Variants in TNRC6B observed in about 807,000 individuals in gnomAD.
The protein encoded by TNRC6B is trinucleotide repeat-containing gene 6B protein.
TNRC6B carries 52 observed loss-of-function variants against 203.6 expected under a neutral mutation model. The ratio of observed to expected loss-of-function variants is 0.26; its 90% confidence interval spans 0.20 to 0.32. The LOEUF is 0.32. Among genes scored for constraint, TNRC6B ranks in the 10% least tolerant of loss-of-function variants. The probability of loss-of-function intolerance (pLI) is 1.00; values close to 1 mark genes in which losing one functional copy is unlikely to be tolerated. For missense variants in TNRC6B, 1,923 were observed against 2,286.2 expected (o/e 0.84, Z 3.24); for synonymous variants, 838 against 845.7 (o/e 0.99, Z 0.16).
At chr22:40,247,937 TG>T (rs1462773743) in intron 2 of TNRC6B, among the ~76,000 whole-genome samples, 13 of 152,216 alleles carry the variant, frequency 8.5e-5, no homozygotes, top group African/African-American at 2.9e-4. Context: ...TAGCCGAGTG[TG>T]GTGGTGCACA....
chr22:40,207,983 G>A (rs968469945), intron 1 of TNRC6B, among the ~76,000 whole-genome samples: 5 of 151,684 alleles, frequency 3.3e-5, no homozygotes, highest in South Asian at 2.1e-4. Context: ...GCATGGTGGC[G>A]GGCGCCTGTA....
chr22:40,316,569 G>C (rs896101810), intron 21 of TNRC6B, among the ~76,000 whole-genome samples: 8 of 152,154 alleles, frequency 5.3e-5, no homozygotes, highest in Non-Finnish European at 8.8e-5. Context: ...AGGATCACTT[G>C]AGCCCAGAAT....
At chr22:40,114,731 G>A (rs1342409241) in intron 1 of TNRC6B, among the ~76,000 whole-genome samples, 1 of 152,092 alleles carries the variant, frequency 6.6e-6, no homozygotes, top group Non-Finnish European at 1.5e-5. Context: ...TCCAAGACTA[G>A]TTTGGCTGCT....
intron 21 of TNRC6B, among the ~76,000 whole-genome samples, chr22:40,316,680 A>T (rs1454785312): frequency 1.3e-5 from 2 of 152,128 alleles, no homozygotes; most frequent in Non-Finnish European, 2.9e-5. Context: ...ATGAAAGTTC[A>T]TCTCCTGATC....
chr22:40,332,957 AAG>A lies in TNRC6B; in HGVS notation c.*9719_*9720del, dbSNP rs2043997982. 1.3e-5 allele frequency: 2 copies of A among 152,628 alleles called. No homozygotes were observed. Among genetic ancestry groups the A allele is most frequent in the Admixed American group, 6.5e-5 (1 of 15,310 alleles). 9.5% of individuals were successfully genotyped at this position (152,628 alleles called of 1,614,324 possible). A position where few individuals can be genotyped will look rare whatever the true frequency, so the allele number is the denominator to read the frequency against. ...CTTTACTCTTTCATGTTTAAGAAGA[AAG>A]AGCAGAGGAGGTCGGGGGAGCCGGT... On this transcript the variant is annotated 3_prime_UTR_variant, in exon 23 of 23. Coordinates refer to ENST00000454349, the MANE Select transcript of TNRC6B (RefSeq NM_001162501.2).
intron 1 of TNRC6B, among the ~76,000 whole-genome samples, chr22:40,195,641 A>G (rs1442178018): frequency 3.9e-5 from 6 of 152,170 alleles, no homozygotes; most frequent in African/African-American, 7.2e-5. Flanking sequence ...TTCTGTAGAG[A>G]CGGGGCCTTG....
chr22:40,184,245 C>T (rs750061607), intron 1 of TNRC6B, among the ~76,000 whole-genome samples: 2 of 152,114 alleles, frequency 1.3e-5, no homozygotes, highest in South Asian at 4.1e-4. Flanking sequence ...TCTCCAGACA[C>T]GACTGCTGAA....
chr22:40,305,937 A>C (rs1223618619), intron 15 of TNRC6B, among the ~76,000 whole-genome samples: 1 of 151,366 alleles, frequency 6.6e-6, no homozygotes, highest in African/African-American at 2.4e-5. Flanking sequence ...CTTTTGCTAT[A>C]ACTTTAATTT....
rs1243526899 is a variant in TNRC6B, at chr22:40,333,783, C to T, written c.*10542C>T. 1 of 152,664 alleles carries T rather than the reference C, an allele frequency of 6.6e-6. No individual in the cohort carries two copies. The highest frequency in any genetic ancestry group is 1.5e-5 in the Non-Finnish European group (1 of 68,044). The allele number at this position is 152,664 out of a possible 1,614,324, so 9.5% of individuals were successfully genotyped here. A position where few individuals can be genotyped will look rare whatever the true frequency, so the allele number is the denominator to read the frequency against. On this transcript the variant is annotated 3_prime_UTR_variant, in exon 23 of 23. Coordinates refer to ENST00000454349, the MANE Select transcript of TNRC6B (RefSeq NM_001162501.2). ...AAGCGACATTAAGTAGAGGGAAATG[C>T]TTTTAACAAATGCTGCTCATGTGGA...
chr22:40,253,562 T>G (rs1275264210), intron 3 of TNRC6B: 2 of 455,762 alleles, frequency 4.4e-6, no homozygotes, highest in South Asian at 3.1e-5. Context: ...AAATACAGTT[T>G]CACAGTCTCC....
At chr22:40,125,639 A>G (rs2146324220) in intron 2 of TNRC6B, 1 of 591,540 alleles carries the variant, frequency 1.7e-6, no homozygotes, top group Non-Finnish European at 2.9e-6. Flanking sequence ...AGACACACAC[A>G]CACACACAAA....
intron 3 of TNRC6B, among the ~76,000 whole-genome samples, chr22:40,259,425 T>C (rs569008108): frequency 2.8e-4 from 42 of 152,348 alleles, no homozygotes; most frequent in African/African-American, 9.4e-4. Context: ...GGTTTCACAA[T>C]GTCGGCCAGG....
At chr22:40,206,902 C>G (rs766944443) in intron 1 of TNRC6B, among the ~76,000 whole-genome samples, 2 of 152,114 alleles carry the variant, frequency 1.3e-5, no homozygotes, top group Non-Finnish European at 2.9e-5. Context: ...TTAGGGCCGC[C>G]GTAACAAAAT....
intron 1 of TNRC6B, among the ~76,000 whole-genome samples, chr22:40,061,731 C>G (rs2067854683): frequency 6.6e-6 from 1 of 152,010 alleles, no homozygotes; most frequent in Non-Finnish European, 1.5e-5. Context: ...GCATCTTTTA[C>G]ATACCACAAT....
Position 40,102,202 on chromosome 22 carries a change from C to T in TNRC6B, c.-120-14853C>T, listed in dbSNP as rs995976960. 1.1e-4 allele frequency among the ~76,000 whole-genome samples: 16 copies of T among 152,140 alleles called. No homozygotes were observed. The South Asian group carries it at 3.3e-3, about 32-fold the overall frequency. The stretch of plus-strand genomic sequence containing the variant: ...CTGATTTACCTTTTTCTTATGCTTG[C>T]TGTTGGACAAAAACAAGGAGGGAGA... On this transcript the variant is annotated intron_variant, in intron 1 of 23. Coordinates refer to the TNRC6B transcript ENST00000301923.
chr22:40,275,115 T>C (rs2070620927), intron 7 of TNRC6B, among the ~76,000 whole-genome samples: 2 of 152,346 alleles, frequency 1.3e-5, no homozygotes, highest in East Asian at 1.9e-4. Context: ...CTCTTTCTTT[T>C]ATAGCATAAG....
intron 1 of TNRC6B, among the ~76,000 whole-genome samples, chr22:40,072,828 C>CATTCCAG (rs955040888): frequency 1.6e-5 from 2 of 121,824 alleles, no homozygotes; most frequent in Non-Finnish European, 3.2e-5. Flanking sequence ...TGTGCCATTG[C>CATTCCAG]ATTCCAGCCT....
At chr22:40,229,826 T>A (rs981241971) in intron 1 of TNRC6B, among the ~76,000 whole-genome samples, 5 of 152,216 alleles carry the variant, frequency 3.3e-5, no homozygotes, top group African/African-American at 1.2e-4. Context: ...AGCATTCTGT[T>A]GTATATTCCA....
intron 1 of TNRC6B, among the ~76,000 whole-genome samples, chr22:40,083,398 A>T (rs1229458363): frequency 6.6e-6 from 1 of 152,220 alleles, no homozygotes; most frequent in Non-Finnish European, 1.5e-5. Context: ...GATATTGCTG[A>T]TGATAGGGGC....
Sources: allele counts gnomAD v4.1 joint callset (sites outside exome capture counted in the v4.1 genomes callset), GRCh38; gene constraint gnomAD v4.1.1; transcripts MANE v1.5; gene names NCBI Gene and HGNC (gene_info 2026-07-23, HGNC 2026-07-21).